Variants in TRPM1 observed in about 807,000 individuals in gnomAD.
The protein encoded by TRPM1 is TRPM1-203 APA Isoform, Intron 10.
A neutral mutation model predicts 149.4 loss-of-function variants in TRPM1; 113 were observed. The ratio of observed to expected loss-of-function variants is 0.76; its 90% CI spans 0.65 to 0.88. The LOEUF is 0.88. TRPM1 is among the 40% of genes least tolerant of loss of function. The pLI is 0.00. For missense variants in TRPM1, 1,976 were observed against 2,038.7 expected, an observed-to-expected ratio of 0.97 and a Z score of 0.59; for synonymous variants, 741 against 759.5, an observed-to-expected ratio of 0.98 and a Z score of 0.40.
chr15:31,118,965 C>T (rs1025294096), intron 1 of TRPM1, among the ~76,000 whole-genome samples: 9 of 152,080 alleles, frequency 5.9e-5, no homozygotes, highest in Non-Finnish European at 1.2e-4. Flanking sequence ...ACTGGCCAGG[C>T]GCAGTGGTTC....
intron 1 of TRPM1, among the ~76,000 whole-genome samples, chr15:31,145,270 C>A (rs1398228840): frequency 6.6e-6 from 1 of 152,182 alleles, no homozygotes; most frequent in Non-Finnish European, 1.5e-5. Context: ...GAAGCCAGGA[C>A]AACAAGATGC....
chr15:31,104,865 A>G (rs1022284541), upstream of TRPM1, among the ~76,000 whole-genome samples: 2 of 152,012 alleles, frequency 1.3e-5, no homozygotes, highest in Non-Finnish European at 2.9e-5. Flanking sequence ...AAGTGCTGGG[A>G]TTACAGGTGT....
intron 1 of TRPM1, among the ~76,000 whole-genome samples, chr15:31,111,493 GA>G (rs2035688944): frequency 6.6e-6 from 1 of 152,168 alleles, no homozygotes; most frequent in African/African-American, 2.4e-5. Context: ...CTGTGTTCCT[GA>G]GAAGAAATGT....
At chr15:31,077,893 TTATGTGTGTGG>T (rs2034753310) in intron 2 of TRPM1, among the ~76,000 whole-genome samples, 1 of 151,680 alleles carries the variant, frequency 6.6e-6, no homozygotes. Flanking sequence ...GTGTGTGGTG[TTATGTGTGTGG>T]TATGTGTGCA....
chr15:31,160,749 C>T (rs1218123843), intron 1 of TRPM1, among the ~76,000 whole-genome samples: 1 of 152,222 alleles, frequency 6.6e-6, no homozygotes, highest in African/African-American at 2.4e-5. Flanking sequence ...GGGACCCTGA[C>T]GTGAGAGCTC....
Position 31,149,062 on chromosome 15 carries a change from A to G in TRPM1, c.54+11844T>C, listed in dbSNP as rs566115040. ...GGTCTGAGAGTGGCTGGTTCATGTG[A>G]GATGCCGTGACCAACCTTTCTAAAG... On this transcript the variant is annotated intron_variant, in intron 1 of 26. Coordinates refer to the TRPM1 transcript ENST00000542188. Among the ~76,000 whole-genome samples, 134 of 152,354 alleles carry G rather than the reference A, an allele frequency of 8.8e-4. 1 individual carries two copies. The highest frequency in any genetic ancestry group is 2.1e-3 in the Admixed American group (32 of 15,304).
In TRPM1 at chr15:31,068,060, G is replaced by A. The variant is rs780992450; in HGVS notation, c.312C>T (p.Asp104=). Residue 104 remains aspartate (D), a synonymous_variant, in exon 5 of 28, where the codon GAC becomes GAT. Transcript: ENST00000256552. The part of the protein sequence containing the change: ...YIRVSYDTKP[D]SLLHLMVKDW... ...CTTTCACCATGAGATGGAGCAGTGA[G>A]TCTGGCTTGGTGTCATAGGATACAC... 2.5e-6 allele frequency: 4 copies of A among 1,614,214 alleles called. No individual in the cohort carries two copies. Among genetic ancestry groups the A allele is most frequent in the African/African-American group, 2.7e-5 (2 of 75,060 alleles).
intron 11 of TRPM1, among the ~76,000 whole-genome samples, chr15:31,051,264 C>T (rs10162706): frequency 0.22 from 33,714 of 152,070 alleles, 5,306 homozygotes; most frequent in African/African-American, 0.45. Context: ...CTGGTGCAGA[C>T]ACAGAGCCAG....
rs750638868 is a variant in TRPM1, at chr15:31,076,984, C to T, written c.4G>A (p.Gly2Ser). 21 of 1,608,126 alleles carry T rather than the reference C, an allele frequency of 1.3e-5. No homozygotes were observed. Among genetic ancestry groups the T allele is most frequent in the Non-Finnish European group, 2.6e-6 (3 of 1,175,000 alleles). ...GTTTTCTCTATCCAAGATTTCTGACCCTGGAAGAGAGAGAGAAGTGGATAT... is the reference window on the plus strand; with the variant it reads ...GTTTTCTCTATCCAAGATTTCTGACTCTGGAAGAGAGAGAGAAGTGGATAT... Reference protein sequence around the residue: MGQKSWIEKTFC... With the variant: MSQKSWIEKTFC... The change falls in exon 3 of 28, where the codon GGT (glycine) becomes AGT (serine). Residue 2 changes from glycine to serine, a missense_variant and splice_region_variant. Gly to Ser is a moderately conservative substitution (Grantham distance 56). Coordinates refer to ENST00000256552, the MANE Select transcript of TRPM1 (RefSeq NM_001252024.2).
chr15:31,094,974 G>T (rs1399892751), intron 1 of TRPM1, among the ~76,000 whole-genome samples: 1 of 152,234 alleles, frequency 6.6e-6, no homozygotes, highest in Non-Finnish European at 1.5e-5. Flanking sequence ...ATGTCCATCA[G>T]TGGATAGATG....
intron 1 of TRPM1, among the ~76,000 whole-genome samples, chr15:31,141,772 G>A (rs866542183): frequency 6.6e-6 from 1 of 152,222 alleles, no homozygotes; most frequent in South Asian, 2.1e-4. Flanking sequence ...TCTTATGAAA[G>A]AAATTTTGTG....
chr15:31,030,025 A>C (rs1346751259), intron 23 of TRPM1, among the ~76,000 whole-genome samples: 1 of 152,226 alleles, frequency 6.6e-6, no homozygotes, highest in Non-Finnish European at 1.5e-5. Context: ...TGGCTTACCA[A>C]GCTACTAACA....
rs2033160407 is a variant in TRPM1 at position 31,032,911 on chromosome 15, G to A, written c.2730C>T (p.Ser910=). 1 of 1,614,066 alleles carries A rather than the reference G, an allele frequency of 6.2e-7. No homozygotes were observed. Among genetic ancestry groups the A allele is most frequent in the Non-Finnish European group, 8.5e-7 (1 of 1,180,046 alleles). The change falls in exon 22 of 28, where the codon AGC becomes AGT. Residue 910 remains serine, a synonymous_variant. Transcript: ENST00000256552. ...CCTGAAGCCAAACTTTGATTTTCTGGCTGAGTTTGCCTGGTTCTGACATGA... is the reference window on the plus strand; with the variant it reads ...CCTGAAGCCAAACTTTGATTTTCTGACTGAGTTTGCCTGGTTCTGACATGA... ...EILMSEPGKL[S]QKIKVWLQEY... is the part of the protein sequence containing the mutation.
chr15:31,100,129 G>T (rs1160496742), intron 1 of TRPM1, among the ~76,000 whole-genome samples: 1 of 150,706 alleles, frequency 6.6e-6, no homozygotes. Flanking sequence ...GCCCAGGCTG[G>T]AGTGCAGTGG....
At chr15:31,048,000 C>A in intron 13 of TRPM1, 61 bp from the exon 14 acceptor site, 1 of 1,442,716 alleles carries the variant, frequency 6.9e-7, no homozygotes, top group Non-Finnish European at 9.7e-7. Context: ...CGGTGGCTCA[C>A]GCCTGTAGTC....
chr15:31,149,631 T>G (rs1452375346), intron 1 of TRPM1, among the ~76,000 whole-genome samples: 1 of 151,074 alleles, frequency 6.6e-6, no homozygotes, highest in Admixed American at 6.6e-5. Flanking sequence ...GCCATTCTCC[T>G]GCCTCAGCCT....
chr15:31,019,539 T>C (rs1480021877), intron 27 of TRPM1, among the ~76,000 whole-genome samples: 2 of 152,190 alleles, frequency 1.3e-5, no homozygotes, highest in African/African-American at 4.8e-5. Flanking sequence ...GTGGCTGGGA[T>C]TACAGATGCT....
At chr15:31,070,408 G>A (rs1327865021) in intron 3 of TRPM1, 182 bp from the exon 4 acceptor site, 2 of 716,796 alleles carry the variant, frequency 2.8e-6, no homozygotes, top group Non-Finnish European at 5.0e-6. Flanking sequence ...GATAATCAGT[G>A]CACATCTCTT....
In TRPM1 at chr15:31,136,248, C is replaced by G. The variant is rs551113598; in HGVS notation, c.54+24658G>C. ...TCCAGGCTCCATGGGGTCACCAAGG[C>G]AGCAGGAGGTGTCTGGAGGCGGAGA... On this transcript the variant is annotated intron_variant, in intron 1 of 26. Coordinates refer to the TRPM1 transcript ENST00000542188. Among the ~76,000 whole-genome samples, 5 of 152,240 alleles carry G rather than the reference C, an allele frequency of 3.3e-5. No homozygotes were observed. In the East Asian group the frequency reaches 9.7e-4, roughly 29 times the overall value.
Sources: allele counts gnomAD v4.1 joint callset (sites outside exome capture counted in the v4.1 genomes callset), GRCh38; gene constraint gnomAD v4.1.1; transcripts MANE v1.5; gene names NCBI Gene and HGNC (gene_info 2026-07-23, HGNC 2026-07-21).